The following SNX27 variants were observed in gnomAD, a reference collection of about 807,000 sequenced individuals.
The protein encoded by SNX27 is sorting nexin-27.
SNX27 carries 22 observed loss-of-function variants against 71.6 expected under a neutral mutation model. That is an observed-to-expected ratio of 0.31 (90% CI 0.22 to 0.44). The LOEUF is 0.44. SNX27 is among the 20% of genes least tolerant of loss of function. The pLI, the probability that SNX27 is intolerant of heterozygous loss-of-function variation, is 1.00. For synonymous variants in SNX27, 269 were observed against 277.2 expected (o/e 0.97, Z 0.29); for missense variants, 531 against 698.6 (o/e 0.76, Z 2.70).
At chr1:151,616,321 T>C (rs904025004) in intron 1 of SNX27, among the ~76,000 whole-genome samples, 1 of 152,198 alleles carries the variant, frequency 6.6e-6, no homozygotes. Context: ...AAGGTTTTAG[T>C]GTGTGGTGGA....
At position 151,695,398 on chromosome 1, in the gene SNX27, T is replaced by C. The variant is rs1671655398; in HGVS notation, c.*981T>C. 1 of 149,982 alleles carries C rather than the reference T, an allele frequency of 6.7e-6. No homozygotes were observed. Among genetic ancestry groups the C allele is most frequent in the Non-Finnish European group, 1.5e-5 (1 of 67,712 alleles). The allele number at this position is 149,982 out of a possible 1,614,324, so 9.3% of individuals were successfully genotyped here. On this transcript the variant is annotated 3_prime_UTR_variant, in exon 12 of 12. Transcript: ENST00000458013. ...GAAACACTTCATGGTAGTAATTTCC[T>C]GTTTTCCTTGCCTTTTTTTTTTTTT...
At chr1:151,674,692 C>CTT (rs1218401207) in intron 7 of SNX27, among the ~76,000 whole-genome samples, 2 of 143,784 alleles carry the variant, frequency 1.4e-5, no homozygotes, top group Admixed American at 7.0e-5. Context: ...TTGATTGTTT[C>CTT]TTTTTTTTTT....
At chr1:151,637,168 TTG>T (rs200449874) in intron 1 of SNX27, among the ~76,000 whole-genome samples, 2,848 of 95,424 alleles carry the variant, frequency 0.03, 178 homozygotes, top group African/African-American at 0.1. Context: ...TTTTGTTTTT[TTG>T]TTTTTTTTTT....
rs368256835 is a variant in SNX27 at position 151,666,026 on chromosome 1, C to G, written c.985+15C>G. The G allele has an allele frequency of 1.3e-6, 2 of 1,598,224 alleles. No individual in the cohort carries two copies. Among genetic ancestry groups the G allele is most frequent in the African/African-American group, 2.7e-5 (2 of 74,514 alleles). ...TCACTCCTTTGGTAAGTACCAGTGGCTGATACTAAGTTTTGTTTTCTAATA... is the reference window on the plus strand; with the variant it reads ...TCACTCCTTTGGTAAGTACCAGTGGGTGATACTAAGTTTTGTTTTCTAATA... On this transcript the variant is annotated intron_variant, in intron 6 of 11. Coordinates refer to ENST00000458013, the MANE Select transcript of SNX27 (RefSeq NM_001330723.2).
At chr1:151,621,554 C>T (rs1050745803) in intron 1 of SNX27, among the ~76,000 whole-genome samples, 3 of 152,216 alleles carry the variant, frequency 2.0e-5, no homozygotes, top group African/African-American at 7.2e-5. Context: ...TAGCTTACTT[C>T]CCTCTGGAAA....
At chr1:151,670,537 C>T (rs1477568894) in intron 7 of SNX27, among the ~76,000 whole-genome samples, 1 of 152,184 alleles carries the variant, frequency 6.6e-6, no homozygotes, top group Non-Finnish European at 1.5e-5. Flanking sequence ...CCCTTTCCTC[C>T]ATATCCTTGC....
Position 151,658,404 on chromosome 1 carries a change from G to A in SNX27, c.713G>A (p.Gly238Glu). ...CAACAATTAGATGCCCGACGTCGGG[G>A]ATTGGAAGAATATCTAGAAAAAGGT... ...SEQQLDARRR[G>E]LEEYLEKVCS... Residue 238 changes from glycine (G) to glutamate (E), a missense_variant, in exon 3 of 12, where the codon GGA (glycine) becomes GAA (glutamate). Gly to Glu is a moderately conservative substitution (Grantham distance 98). Coordinates refer to ENST00000458013, the MANE Select transcript of SNX27 (RefSeq NM_001330723.2). 1 of 1,614,012 alleles carries A rather than the reference G, an allele frequency of 6.2e-7. No homozygotes were observed. Among genetic ancestry groups the A allele is most frequent in the Non-Finnish European group, 8.5e-7 (1 of 1,179,984 alleles).
rs1571887285 is a variant in SNX27, at chr1:151,696,498, T to TTCGTTCTTTCG, written c.*2082_*2083insCGTTCTTTCGT. On this transcript the variant is annotated 3_prime_UTR_variant, in exon 12 of 12. Coordinates refer to ENST00000458013, the MANE Select transcript of SNX27 (RefSeq NM_001330723.2). ...CTTTCTTTCTTTCTTTCTTTCTTTC[T>TTCGTTCTTTCG]TTCTTTCGTTCTTTCGTTCTTTCGT... is the stretch of plus-strand genomic sequence containing the variant. 2.8e-5 allele frequency: 3 copies of TTCGTTCTTTCG among 106,500 alleles called. No homozygotes were observed. The highest frequency in any genetic ancestry group is 2.1e-5 in the Non-Finnish European group (1 of 48,194). The allele number at this position is 106,500 out of a possible 1,614,324, so 6.6% of individuals were successfully genotyped here. A position where few individuals can be genotyped will look rare whatever the true frequency, so the allele number is the denominator to read the frequency against.
intron 10 of SNX27, 96 bp downstream of exon 10, chr1:151,693,135 A>G: frequency 6.7e-7 from 1 of 1,501,168 alleles, no homozygotes; most frequent in Admixed American, 2.0e-5. Flanking sequence ...TAGAGCTAGT[A>G]GTTGTCTTGA....
At chr1:151,671,366 T>A (rs1670446902) in intron 7 of SNX27, among the ~76,000 whole-genome samples, 1 of 151,364 alleles carries the variant, frequency 6.6e-6, no homozygotes, top group African/African-American at 2.4e-5. Flanking sequence ...GCCTCCCCAC[T>A]AGCTGGGGCT....
At chr1:151,668,175 G>T (rs909077378) in intron 6 of SNX27, among the ~76,000 whole-genome samples, 6 of 152,112 alleles carry the variant, frequency 3.9e-5, no homozygotes, top group Non-Finnish European at 8.8e-5. Context: ...TAACATTGGG[G>T]ATCAAATTTC....
At chr1:151,624,172 C>T (rs1181927950) in intron 1 of SNX27, among the ~76,000 whole-genome samples, 1 of 151,694 alleles carries the variant, frequency 6.6e-6, no homozygotes, top group African/African-American at 2.4e-5. Context: ...TGCTATGTTC[C>T]CCAGGCTGGT....
At chr1:151,656,591 A>C (rs932617153) in intron 2 of SNX27, among the ~76,000 whole-genome samples, 14 of 152,248 alleles carry the variant, frequency 9.2e-5, no homozygotes, top group African/African-American at 3.4e-4. Flanking sequence ...GAATATGCAT[A>C]TAACTCTGCA....
At chr1:151,689,689 T>G (rs948321162) in intron 8 of SNX27, among the ~76,000 whole-genome samples, 3 of 152,204 alleles carry the variant, frequency 2.0e-5, no homozygotes, top group African/African-American at 7.2e-5. Context: ...CGACACCCAC[T>G]GGCATTTACA....
chr1:151,663,375 C>T (rs533676508), intron 5 of SNX27, among the ~76,000 whole-genome samples: 4 of 152,212 alleles, frequency 2.6e-5, no homozygotes, highest in Non-Finnish European at 4.4e-5. Flanking sequence ...TGGTCTGAAT[C>T]TCCTGACCTC....
At chr1:151,628,750 T>A (rs956248555) in intron 1 of SNX27, among the ~76,000 whole-genome samples, 1 of 152,236 alleles carries the variant, frequency 6.6e-6, no homozygotes, top group South Asian at 2.1e-4. Flanking sequence ...TTGAGCATCT[T>A]ATATGCTTAT....
chr1:151,654,505 G>A (rs1372299534), intron 2 of SNX27, among the ~76,000 whole-genome samples: 1 of 152,014 alleles, frequency 6.6e-6, no homozygotes, highest in Admixed American at 6.6e-5. Flanking sequence ...GGGGTATAGA[G>A]TATTTTACTT....
intron 1 of SNX27, among the ~76,000 whole-genome samples, chr1:151,627,628 A>G (rs1377919792): frequency 2.0e-5 from 3 of 152,272 alleles, no homozygotes; most frequent in East Asian, 1.9e-4. Context: ...GGGTTTCGCC[A>G]TGATGCCCAG....
chr1:151,691,879 A>C (rs1288706790), intron 8 of SNX27, among the ~76,000 whole-genome samples: 2 of 151,570 alleles, frequency 1.3e-5, no homozygotes, highest in African/African-American at 4.8e-5. Flanking sequence ...TACTTATGGC[A>C]AAAAAAAGTA....
Sources: allele counts gnomAD v4.1 joint callset (sites outside exome capture counted in the v4.1 genomes callset), GRCh38; gene constraint gnomAD v4.1.1; transcripts MANE v1.5; gene names NCBI Gene and HGNC (gene_info 2026-07-23, HGNC 2026-07-21).